OSBPL5: variants seen among roughly 807,000 people sequenced by gnomAD.
OSBPL5 encodes the protein oxysterol-binding protein-related protein 5.
Under a neutral mutation model 111.2 loss-of-function variants are expected in OSBPL5, and 71 were observed. That is an observed-to-expected ratio of 0.64 (90% CI 0.53 to 0.78). The LOEUF (loss-of-function observed/expected upper bound fraction) is 0.78, where lower values mean the gene tolerates loss of function less well. OSBPL5 is among the 30% of genes least tolerant of loss of function. OSBPL5 has a pLI of 0.00. For synonymous variants in OSBPL5, 549 were observed against 513.9 expected (o/e 1.07, Z -0.93); for missense variants, 1,210 against 1,189.3 (o/e 1.02, Z -0.26).
rs6578323 is a variant in OSBPL5 at position 3,122,379 on chromosome 11, G to A, written c.269C>T (p.Thr90Ile). Reference sequence around the variant, plus strand: ...AGTCTCCTTCTTGGTGACCCTGGCGGTGGGGGACACACATTCCTTGTCTGA... The same window carrying A: ...AGTCTCCTTCTTGGTGACCCTGGCGATGGGGGACACACATTCCTTGTCTGA... ...NGSDKECVSPTARVTKKETLK... is the reference protein window; with the variant it reads ...NGSDKECVSPIARVTKKETLK... The change falls in exon 4 of 22, where the codon ACC becomes ATC. Residue 90 changes from threonine to isoleucine, a missense_variant. By Grantham distance (89) the Thr-to-Ile change is moderately conservative. Coordinates refer to ENST00000263650, the MANE Select transcript of OSBPL5 (RefSeq NM_020896.4). The A allele has an allele frequency of 1.1e-3, 1,699 of 1,613,826 alleles. 21 individuals carry two copies. The African/African-American group carries it at 0.02, about 19-fold the overall frequency.
At chr11:3,129,287 G>T (rs1858745260) in intron 1 of OSBPL5, 118 bp from the exon 2 acceptor site, 2 of 1,011,950 alleles carry the variant, frequency 2.0e-6, no homozygotes, top group Non-Finnish European at 2.7e-6. Context: ...CTGAGGCAGG[G>T]TGAGGAGGGC....
chr11:3,134,797 G>A (rs1845906089), intron 1 of OSBPL5, among the ~76,000 whole-genome samples: 1 of 152,044 alleles, frequency 6.6e-6, no homozygotes, highest in East Asian at 1.9e-4. Flanking sequence ...GCTGGGACTT[G>A]GGGGTGGGGT....
intron 1 of OSBPL5, among the ~76,000 whole-genome samples, chr11:3,131,429 AATCCATCCATCC>A (rs757844497): frequency 8.9e-6 from 1 of 112,444 alleles, no homozygotes; most frequent in African/African-American, 3.7e-5. Context: ...TCTATCCATC[AATCCATCCATCC>A]ATCCATCTAC....
intron 1 of OSBPL5, among the ~76,000 whole-genome samples, chr11:3,133,430 C>T (rs1264501330): frequency 2.0e-5 from 3 of 152,230 alleles, no homozygotes; most frequent in Non-Finnish European, 4.4e-5. Flanking sequence ...GCACTGCCTG[C>T]GGGGAAGCCC....
intron 1 of OSBPL5, among the ~76,000 whole-genome samples, chr11:3,139,048 C>T (rs73415961): frequency 0.025 from 3,775 of 152,316 alleles, 182 homozygotes; most frequent in African/African-American, 0.086. Context: ...GATGGGTCTT[C>T]GCTGACACCG....
At chr11:3,158,060 A>G (rs1846835498) in intron 1 of OSBPL5, among the ~76,000 whole-genome samples, 1 of 152,246 alleles carries the variant, frequency 6.6e-6, no homozygotes, top group Admixed American at 6.5e-5. Context: ...ACAAACAACC[A>G]GGCCCTGTCC....
At chr11:3,097,021 G>A (rs1194365037) in intron 14 of OSBPL5, among the ~76,000 whole-genome samples, 17 of 10,366 alleles carry the variant, frequency 1.6e-3, no homozygotes, top group Admixed American at 3.5e-3. Flanking sequence ...AAGACGGGAG[G>A]GGGAGGAGAG....
chr11:3,100,286 G>T, intron 13 of OSBPL5, 30 bp from the exon 14 acceptor site: 1 of 1,604,916 alleles, frequency 6.2e-7, no homozygotes, highest in South Asian at 1.1e-5. Flanking sequence ...CAGGACCAGT[G>T]AGTGCGGACA....
intron 14 of OSBPL5, among the ~76,000 whole-genome samples, chr11:3,096,327 G>A (rs1294195939): frequency 1.3e-5 from 2 of 152,128 alleles, no homozygotes; most frequent in Non-Finnish European, 2.9e-5. Flanking sequence ...TGGTTAAGAA[G>A]GGAAATCCCG....
chr11:3,111,469 G>A (rs1480003352), intron 7 of OSBPL5, among the ~76,000 whole-genome samples: 3 of 152,104 alleles, frequency 2.0e-5, no homozygotes, highest in Non-Finnish European at 2.9e-5. Context: ...ACAACCAGCT[G>A]GTCTTAATTT....
At chr11:3,116,854 C>CAGAAAAAA (rs1858229019) in intron 7 of OSBPL5, among the ~76,000 whole-genome samples, 1 of 75,488 alleles carries the variant, frequency 1.3e-5, no homozygotes, top group Non-Finnish European at 2.8e-5. Flanking sequence ...GACTCCATCA[C>CAGAAAAAA]AAAAAAAAAA....
In OSBPL5 at chr11:3,122,066, C is replaced by T; in HGVS notation, c.333G>A (p.Lys111=). The change falls in exon 5 of 22, where the codon AAG becomes AAA. Residue 111 remains lysine (K), a synonymous_variant. Transcript: ENST00000263650. Reference sequence around the variant, plus strand: ...CGCTGAGCAGCTGCCGTGTGGCGCGCTTCTTCTCCTGCCGGTAGTTCTCCT... The same window carrying T: ...CGCTGAGCAGCTGCCGTGTGGCGCGTTTCTTCTCCTGCCGGTAGTTCTCCT... ...AQKENYRQEK[K]RATRQLLSAL... is the part of the protein sequence containing the mutation. The T allele has an allele frequency of 6.3e-7, 1 of 1,579,566 alleles. No individual in the cohort carries two copies. Among genetic ancestry groups the T allele is most frequent in the Non-Finnish European group, 8.6e-7 (1 of 1,167,906 alleles).
intron 1 of OSBPL5, among the ~76,000 whole-genome samples, chr11:3,160,353 G>A (rs1846918729): frequency 6.6e-6 from 1 of 152,244 alleles, no homozygotes; most frequent in South Asian, 2.1e-4. Context: ...CCCGACTGCT[G>A]CGCCGTATTC....
intron 10 of OSBPL5, among the ~76,000 whole-genome samples, chr11:3,103,788 C>CA (rs199671886): frequency 0.075 from 4,567 of 61,052 alleles, 190 homozygotes; most frequent in South Asian, 0.16. Flanking sequence ...TCTGCAGTCC[C>CA]TTCCTGCCTC....
chr11:3,156,393 G>A (rs1402669311), intron 1 of OSBPL5, among the ~76,000 whole-genome samples: 1 of 152,188 alleles, frequency 6.6e-6, no homozygotes, highest in Non-Finnish European at 1.5e-5. Context: ...ACTTCTCTGC[G>A]ACTCTAACAC....
intron 21 of OSBPL5, 48 bp downstream of exon 21, chr11:3,089,798 C>A: frequency 6.6e-7 from 1 of 1,518,706 alleles, no homozygotes; most frequent in African/African-American, 1.4e-5. Flanking sequence ...CCAGGTCTCT[C>A]GCACTCTCTG....
intron 1 of OSBPL5, among the ~76,000 whole-genome samples, chr11:3,147,820 C>T (rs567360603): frequency 8.6e-4 from 131 of 152,290 alleles, no homozygotes; most frequent in Admixed American, 1.8e-3. Context: ...CAGGACCAGC[C>T]TCGGCAAGTG....
Position 3,092,886 on chromosome 11 carries a change from A to G in OSBPL5, c.2113T>C (p.Trp705Arg). Residue 705 changes from tryptophan (W) to arginine (R), a missense_variant, in exon 18 of 22, where the codon TGG becomes CGG. Transcript: ENST00000263650. The surrounding 1 kb of genome is among the most constrained non-coding windows in gnomAD (Gnocchi z 5.4). ...LFHLDPITQE[W>R]HYRYEDHSPW... ...ACTCACTCCTCGTATCGGTAGTGCC[A>G]CTCCTGGGTGATGGGGTCCAGGTGG... 1.3e-6 allele frequency: 2 copies of G among 1,551,808 alleles called. No individual in the cohort carries two copies. Among genetic ancestry groups the G allele is most frequent in the Non-Finnish European group, 1.7e-6 (2 of 1,146,300 alleles).
At chr11:3,128,646 G>A (rs1257194699) in intron 2 of OSBPL5, among the ~76,000 whole-genome samples, 1 of 152,132 alleles carries the variant, frequency 6.6e-6, no homozygotes, top group Non-Finnish European at 1.5e-5. Flanking sequence ...GCCTAGAGAG[G>A]TCAAGTAGCT....
Sources: allele counts gnomAD v4.1 joint callset (sites outside exome capture counted in the v4.1 genomes callset), GRCh38; gene constraint gnomAD v4.1.1; non-coding constraint Gnocchi (gnomAD v3.1); transcripts MANE v1.5; gene names NCBI Gene and HGNC (gene_info 2026-07-23, HGNC 2026-07-21).